The following CXCL13 variants were observed in gnomAD, a reference collection of about 807,000 sequenced individuals.
CXCL13 encodes the protein C-X-C motif chemokine ligand 13.
A neutral mutation model predicts 12.2 loss-of-function variants in CXCL13; 7 were observed. The observed-to-expected ratio is 0.57, with a 90% confidence interval of 0.33 to 1.07. The LOEUF is 1.07. Ranked by LOEUF, CXCL13 falls within the 50% of genes least tolerant of loss-of-function variation. CXCL13 has a pLI of 0.04. For synonymous variants in CXCL13, 47 were observed against 42.4 expected (o/e 1.11, Z -0.42); for missense variants, 113 against 127.4 (o/e 0.89, Z 0.55).
At chr4:77,552,950 C>T (rs1725569066) in intron 1 of CXCL13, among the ~76,000 whole-genome samples, 1 of 152,170 alleles carries the variant, frequency 6.6e-6, no homozygotes, top group Non-Finnish European at 1.5e-5. Flanking sequence ...GCAGAGAAGG[C>T]CCCGCTGCAC....
chr4:77,538,464 G>A (rs1389028911), intron 1 of CXCL13, among the ~76,000 whole-genome samples: 1 of 148,418 alleles, frequency 6.7e-6, no homozygotes, highest in Non-Finnish European at 1.5e-5. Context: ...ACTCTTCCAG[G>A]AAAGAAGAAA....
intron 1 of CXCL13, among the ~76,000 whole-genome samples, chr4:77,560,685 T>A (rs1725790894): frequency 6.6e-6 from 1 of 152,208 alleles, no homozygotes; most frequent in Non-Finnish European, 1.5e-5. Context: ...TACTGCTTAG[T>A]ATCTTCATAT....
intron 1 of CXCL13, among the ~76,000 whole-genome samples, chr4:77,512,553 C>G (rs1724301302): frequency 6.6e-6 from 1 of 151,980 alleles, no homozygotes; most frequent in South Asian, 2.1e-4. Context: ...TTCATAGGGC[C>G]TTTTCTCTGT....
intron 1 of CXCL13, among the ~76,000 whole-genome samples, chr4:77,596,785 C>CAAAAAAAAAAAAAAA (rs1024280441): frequency 1.5e-5 from 1 of 64,764 alleles, no homozygotes; most frequent in African/African-American, 5.0e-5. Flanking sequence ...GACTCTGTCT[C>CAAAAAAAAAAAAAAA]AAAAAAAAAA....
At chr4:77,555,830 A>G (rs1361915499) in intron 1 of CXCL13, among the ~76,000 whole-genome samples, 1 of 152,194 alleles carries the variant, frequency 6.6e-6, no homozygotes, top group Non-Finnish European at 1.5e-5. Flanking sequence ...TGACATTTTA[A>G]AAAGATGAGA....
intron 1 of CXCL13, among the ~76,000 whole-genome samples, chr4:77,567,797 G>A (rs966349332): frequency 3.0e-4 from 46 of 152,100 alleles, no homozygotes; most frequent in African/African-American, 9.9e-4. Flanking sequence ...CTAAAGAGGG[G>A]AGGAACCCTC....
chr4:77,548,837 A>T (rs900937528), intron 1 of CXCL13, among the ~76,000 whole-genome samples: 1 of 152,072 alleles, frequency 6.6e-6, no homozygotes, highest in Non-Finnish European at 1.5e-5. Flanking sequence ...CTCAAGGAGT[A>T]TCTTTGTGGT....
chr4:77,589,639 C>T (rs535257198), intron 1 of CXCL13, among the ~76,000 whole-genome samples: 2 of 152,112 alleles, frequency 1.3e-5, no homozygotes, highest in Non-Finnish European at 1.5e-5. Flanking sequence ...ATACACCCCA[C>T]GAATAAGGTG....
At chr4:77,563,980 G>A (rs1207999245) in intron 1 of CXCL13, among the ~76,000 whole-genome samples, 1 of 152,060 alleles carries the variant, frequency 6.6e-6, no homozygotes, top group Non-Finnish European at 1.5e-5. Context: ...CAGTTTCGAG[G>A]GCATGTGACA....
chr4:77,555,961 A>G (rs550432777), intron 1 of CXCL13, among the ~76,000 whole-genome samples: 7 of 152,332 alleles, frequency 4.6e-5, no homozygotes, highest in African/African-American at 1.7e-4. Flanking sequence ...TGAGAATGTC[A>G]TGGGTGAGGT....
chr4:77,607,387 TTGTTGCCCAGGCTGGTCTCAAACTCC>T, intron 1 of CXCL13, among the ~76,000 whole-genome samples: 1 of 152,146 alleles, frequency 6.6e-6, no homozygotes, highest in East Asian at 1.9e-4. Flanking sequence ...GGGTCTCCGT[TTGTTGCCCAGGCTGGTCTCAAACTCC>T]TGGGTTCAAC....
At chr4:77,558,025 C>T (rs777093711) in intron 1 of CXCL13, among the ~76,000 whole-genome samples, 4 of 152,146 alleles carry the variant, frequency 2.6e-5, no homozygotes, top group South Asian at 2.1e-4. Context: ...AATTTCAAGT[C>T]GCATACCCTA....
intron 1 of CXCL13, among the ~76,000 whole-genome samples, chr4:77,536,168 T>G (rs1725053297): frequency 6.6e-6 from 1 of 151,814 alleles, no homozygotes. Flanking sequence ...TAGAGTGGAG[T>G]GTGGAGCTGG....
intron 1 of CXCL13, among the ~76,000 whole-genome samples, chr4:77,512,680 A>G (rs2060342733): frequency 6.6e-6 from 1 of 152,192 alleles, no homozygotes; most frequent in African/African-American, 2.4e-5. Context: ...CTCCAAATAC[A>G]GTATTATTCT....
chr4:77,536,927 C>G (rs918890825), intron 1 of CXCL13, among the ~76,000 whole-genome samples: 2 of 152,028 alleles, frequency 1.3e-5, no homozygotes, highest in African/African-American at 4.8e-5. Flanking sequence ...TCTCATGAAC[C>G]AGTGAGACAT....
chr4:77,527,933 C>T (rs1464576480), intron 1 of CXCL13, among the ~76,000 whole-genome samples: 13 of 152,068 alleles, frequency 8.5e-5, no homozygotes. Flanking sequence ...TCCCCTATCC[C>T]CCCACCCCAC....
At chr4:77,521,510 G>T (rs1724596814) in intron 1 of CXCL13, among the ~76,000 whole-genome samples, 1 of 152,262 alleles carries the variant, frequency 6.6e-6, no homozygotes, top group South Asian at 2.1e-4. Context: ...GTGTAGAGGT[G>T]TTTATAGTAT....
chr4:77,544,099 G>A (rs4859857), intron 1 of CXCL13, among the ~76,000 whole-genome samples: 1 of 152,134 alleles, frequency 6.6e-6, no homozygotes, highest in East Asian at 1.9e-4. Context: ...TGGCTGCATA[G>A]TATTCCATGG....
At chr4:77,583,300 G>C (rs1726381559) in intron 1 of CXCL13, among the ~76,000 whole-genome samples, 1 of 152,198 alleles carries the variant, frequency 6.6e-6, no homozygotes, top group Non-Finnish European at 1.5e-5. Context: ...GCCAAGGTAT[G>C]CAGCTTGGTA....
Sources: allele counts gnomAD v4.1 joint callset (sites outside exome capture counted in the v4.1 genomes callset), GRCh38; gene constraint gnomAD v4.1.1; transcripts MANE v1.5; gene names NCBI Gene and HGNC (gene_info 2026-07-23, HGNC 2026-07-21).